SKP1: variants seen among roughly 807,000 people sequenced by gnomAD.
SKP1 encodes S-phase kinase-associated protein 1.
SKP1 carries 1 observed loss-of-function variant against 21.5 expected under a neutral mutation model. The observed-to-expected ratio is 0.05, with a 90% CI of 0.02 to 0.22. SKP1 has a LOEUF of 0.22. Among genes scored for constraint, SKP1 ranks in the 10% least tolerant of loss-of-function variants. The probability of loss-of-function intolerance (pLI) is 1.00; values close to 1 mark genes in which losing one functional copy is unlikely to be tolerated. For synonymous variants in SKP1, 59 were observed against 59.3 expected (o/e 0.99, Z 0.03); for missense variants, 70 against 192.0 (o/e 0.36, Z 3.76).
chr5:134,151,525 G>C lies in SKP1; in HGVS notation c.*6208C>G, dbSNP rs945437067. On this transcript the variant is annotated 3_prime_UTR_variant, in exon 6 of 6. Transcript: ENST00000353411. The stretch of plus-strand genomic sequence containing the variant: ...AAGAATTTTCACCAGATAGGTGGGA[G>C]GTATTCAAAGTGAGAGCACTTTAAG... 1 of 332,982 alleles carries C rather than the reference G, an allele frequency of 3.0e-6. No homozygotes were observed. The highest frequency in any genetic ancestry group is 6.2e-6 in the Non-Finnish European group (1 of 161,978). 20.6% of individuals were successfully genotyped at this position (332,982 alleles called of 1,614,324 possible).
intron 5 of SKP1, chr5:134,158,106 T>A (rs1761151750): frequency 1.4e-6 from 2 of 1,408,072 alleles, no homozygotes; most frequent in South Asian, 1.3e-5. Flanking sequence ...CCTCATTAAG[T>A]TGCTCTAAAG....
At chr5:134,172,978 A>G (rs555283226) in intron 2 of SKP1, among the ~76,000 whole-genome samples, 292 of 148,174 alleles carry the variant, frequency 2.0e-3, no homozygotes, top group Non-Finnish European at 2.7e-3. Flanking sequence ...TGCCACTTGC[A>G]CACCAGCCTG....
At chr5:134,160,219 T>C (rs1451658882) in intron 4 of SKP1, among the ~76,000 whole-genome samples, 1 of 151,754 alleles carries the variant, frequency 6.6e-6, no homozygotes, top group Non-Finnish European at 1.5e-5. Context: ...TAGCTGAGCA[T>C]GGTGGCTCAT....
chr5:134,172,864 T>C (rs1761469770), intron 2 of SKP1, among the ~76,000 whole-genome samples: 2 of 151,020 alleles, frequency 1.3e-5, no homozygotes, highest in African/African-American at 4.9e-5. Flanking sequence ...ATACAAAAAT[T>C]AGCCAGGCAT....
intron 1 of SKP1, 41 bp from the exon 2 acceptor site, chr5:134,174,063 A>T (rs771408794): frequency 1.6e-6 from 2 of 1,218,092 alleles, no homozygotes; most frequent in East Asian, 4.7e-5. Flanking sequence ...TAAGAGAGAG[A>T]GTTCTACATG....
chr5:134,162,688 A>T (rs1430845497), intron 3 of SKP1, among the ~76,000 whole-genome samples: 1 of 152,218 alleles, frequency 6.6e-6, no homozygotes, highest in Non-Finnish European at 1.5e-5. Flanking sequence ...CACCCAGCTA[A>T]GGGTTTTTAA....
Position 134,151,861 on chromosome 5 carries a change from G to C in SKP1, c.*5872C>G. 1 of 326,800 alleles carries C rather than the reference G, an allele frequency of 3.1e-6. No homozygotes were observed. The allele number at this position is 326,800 out of a possible 1,614,324, so 20.2% of individuals were successfully genotyped here. On this transcript the variant is annotated 3_prime_UTR_variant, in exon 6 of 6. Transcript: ENST00000353411. ...TATCACTCAAACTATGTCCCGCATT[G>C]GAAGTGTGTCAAGCAAGAGCACCTT...
At position 134,167,155 on chromosome 5, in the gene SKP1, C is replaced by T. The variant is rs1406838423; in HGVS notation, c.171+15G>A. ...ATATTAAGCAGAATAAACTTAAACT[C>T]TTTAAAGACCTTACCTTTTTTAATA... On this transcript the variant is annotated intron_variant, in intron 3 of 5. Transcript: ENST00000353411. 3.4e-6 allele frequency: 5 copies of T among 1,460,976 alleles called. No individual in the cohort carries two copies. In the Admixed American group the frequency reaches 6.7e-5, roughly 20 times the overall value. The allele number at this position is 1,460,976 out of a possible 1,614,324, so 90.5% of individuals were successfully genotyped here. A position where few individuals can be genotyped will look rare whatever the true frequency, so the allele number is the denominator to read the frequency against.
Position 134,158,443 on chromosome 5 carries a change from T to C in SKP1, c.456+12A>G, listed in dbSNP as rs781419877. 6 of 1,613,934 alleles carry C rather than the reference T, an allele frequency of 3.7e-6. No homozygotes were observed. The highest frequency in any genetic ancestry group is 2.7e-5 in the African/African-American group (2 of 74,922). Reference sequence around the variant, plus strand: ...GAGCATGTGATCAAAGACAAAACTGTGTGCTACCTACCTGGGCTTCCTCCT... The same window carrying C: ...GAGCATGTGATCAAAGACAAAACTGCGTGCTACCTACCTGGGCTTCCTCCT... On this transcript the variant is annotated intron_variant, in intron 5 of 5. Coordinates refer to ENST00000353411, the MANE Select transcript of SKP1 (RefSeq NM_170679.3).
Position 134,152,055 on chromosome 5 carries a change from T to A in SKP1, c.*5678A>T, listed in dbSNP as rs1318122517. The A allele has an allele frequency of 6.2e-6, 1 of 162,046 alleles. No individual in the cohort carries two copies. The highest frequency in any genetic ancestry group is 1.4e-5 in the Non-Finnish European group (1 of 73,630). The allele number at this position is 162,046 out of a possible 1,614,324, so 10.0% of individuals were successfully genotyped here. ...CTTCATCTTGATATGCACAGCCAGT[T>A]CTCTTACTCATTCTCTGTGACCACT... On this transcript the variant is annotated 3_prime_UTR_variant, in exon 6 of 6. Coordinates refer to ENST00000353411, the MANE Select transcript of SKP1 (RefSeq NM_170679.3).
In SKP1 at chr5:134,167,319, CA is replaced by C. The variant is rs751649616; in HGVS notation, c.98-77del. The C allele has an allele frequency of 1.1e-3, 1,012 of 923,522 alleles. 4 individuals carry two copies. Among genetic ancestry groups the C allele is most frequent in the Non-Finnish European group, 1.6e-3 (898 of 564,438 alleles). The allele number at this position is 923,522 out of a possible 1,614,324, so 57.2% of individuals were successfully genotyped here. A position where few individuals can be genotyped will look rare whatever the true frequency, so the allele number is the denominator to read the frequency against. On this transcript the variant is annotated intron_variant, in intron 2 of 5. Coordinates refer to ENST00000353411, the MANE Select transcript of SKP1 (RefSeq NM_170679.3). Reference sequence around the variant, plus strand: ...ATACCAACCAGGCTATGTCTCAAAACATAAGAGTCAGCCCCCATATCCATGA... The same window carrying C: ...ATACCAACCAGGCTATGTCTCAAAACTAAGAGTCAGCCCCCATATCCATGA...
chr5:134,163,924 T>C lies in SKP1; in HGVS notation c.172-2794A>G, dbSNP rs144977218. On this transcript the variant is annotated intron_variant, in intron 3 of 5. Coordinates refer to ENST00000353411, the MANE Select transcript of SKP1 (RefSeq NM_170679.3). Reference sequence around the variant, plus strand: ...CTTGCTCTAGCTTCCACTAAACTCCTTGCCTTTCCTAAAAAGGCAGGGCAT... The same window carrying C: ...CTTGCTCTAGCTTCCACTAAACTCCCTGCCTTTCCTAAAAAGGCAGGGCAT... 4.5e-3 allele frequency among the ~76,000 whole-genome samples: 687 copies of C among 152,304 alleles called. 7 individuals carry two copies. The highest frequency in any genetic ancestry group is 0.016 in the African/African-American group (658 of 41,574).
Position 134,154,447 on chromosome 5 carries a change from CAAAAAAAAAAAA to C in SKP1, c.*3274_*3285del, listed in dbSNP as rs56936628. On this transcript the variant is annotated 3_prime_UTR_variant, in exon 6 of 6. Transcript: ENST00000353411. ...TGGGCGACAGAGTGAGACTCTGTCT[CAAAAAAAAAAAA>C]AAAAAAAAAAAAATTATTAGAATTT... 12 of 51,650 alleles carry C rather than the reference CAAAAAAAAAAAA, an allele frequency of 2.3e-4. No homozygotes were observed. The highest frequency in any genetic ancestry group is 1.7e-3 in the South Asian group (2 of 1,146). The allele number at this position is 51,650 out of a possible 1,614,324, so 3.2% of individuals were successfully genotyped here.
chr5:134,170,074 C>A (rs563046597), intron 2 of SKP1, among the ~76,000 whole-genome samples: 1 of 151,034 alleles, frequency 6.6e-6, no homozygotes, highest in East Asian at 1.9e-4. Context: ...GAGGCTGAGG[C>A]AGGGGAATTG....
Position 134,174,042 on chromosome 5 carries a change from A to C in SKP1, c.1-20T>G. On this transcript the variant is annotated intron_variant, in intron 1 of 5. Transcript: ENST00000353411. Reference sequence around the variant, plus strand: ...AGGCATCTAAAAAAAAAGGACATTAAATATAAAATTTAAGAGAGAGAGTTC... The same window carrying C: ...AGGCATCTAAAAAAAAAGGACATTACATATAAAATTTAAGAGAGAGAGTTC... The C allele has an allele frequency of 6.9e-7, 1 of 1,440,556 alleles. No individual in the cohort carries two copies. Among genetic ancestry groups the C allele is most frequent in the Non-Finnish European group, 9.8e-7 (1 of 1,021,658 alleles). The allele number at this position is 1,440,556 out of a possible 1,614,324, so 89.2% of individuals were successfully genotyped here. A position where few individuals can be genotyped will look rare whatever the true frequency, so the allele number is the denominator to read the frequency against.
At chr5:134,167,147 C>T (rs1561721306) in intron 3 of SKP1, 23 bp downstream of exon 3, 1 of 1,355,852 alleles carries the variant, frequency 7.4e-7, no homozygotes, top group Admixed American at 1.7e-5. Flanking sequence ...GCAGAATAAA[C>T]TTAAACTCTT....
rs1580922558 is a variant in SKP1 at position 134,154,385 on chromosome 5, T to A, written c.*3348A>T. 1 of 141,678 alleles carries A rather than the reference T, an allele frequency of 7.1e-6. No individual in the cohort carries two copies. Among genetic ancestry groups the A allele is most frequent in the African/African-American group, 2.7e-5 (1 of 37,346 alleles). The allele number at this position is 141,678 out of a possible 1,614,324, so 8.8% of individuals were successfully genotyped here. The stretch of plus-strand genomic sequence containing the variant: ...ATCACTTGAACCCAGGAGGCGGAGG[T>A]TGCAGTGAGCTGAGATCGCACCACT... On this transcript the variant is annotated 3_prime_UTR_variant, in exon 6 of 6. Coordinates refer to ENST00000353411, the MANE Select transcript of SKP1 (RefSeq NM_170679.3).
At position 134,152,240 on chromosome 5, in the gene SKP1, C is replaced by T. The variant is rs1455833936; in HGVS notation, c.*5493G>A. The T allele has an allele frequency of 2.6e-5, 4 of 152,030 alleles. No homozygotes were observed. Among genetic ancestry groups the T allele is most frequent in the Non-Finnish European group, 5.9e-5 (4 of 68,076 alleles). 9.4% of individuals were successfully genotyped at this position (152,030 alleles called of 1,614,324 possible). A position where few individuals can be genotyped will look rare whatever the true frequency, so the allele number is the denominator to read the frequency against. ...TAGAATTTAGCTCACTCAAAAATTG[C>T]CCTGCCTAATGTGGGTCTGATGAAT... On this transcript the variant is annotated 3_prime_UTR_variant, in exon 6 of 6. Coordinates refer to ENST00000353411, the MANE Select transcript of SKP1 (RefSeq NM_170679.3).
rs74969114 is a variant in SKP1, at chr5:134,163,231, T to A, written c.172-2101A>T. The stretch of plus-strand genomic sequence containing the variant: ...TTCTGTCAAAAAAAAAAAAAAAAAA[T>A]CACTATCACTACTAACAAAAAATAA... On this transcript the variant is annotated intron_variant, in intron 3 of 5. Transcript: ENST00000353411. Among the ~76,000 whole-genome samples the A allele has an allele frequency of 3.2e-3, 78 of 24,522 alleles. 2 individuals carry two copies. The highest frequency in any genetic ancestry group is 4.2e-3 in the African/African-American group (29 of 6,896). 16.1% of individuals were successfully genotyped at this position (24,522 alleles called of 152,430 possible).
Sources: gnomAD v4.1 joint callset for allele counts (sites outside exome capture counted in the v4.1 genomes callset) on GRCh38, gnomAD v4.1.1 for gene constraint, MANE v1.5 for transcripts, NCBI Gene and HGNC (gene_info 2026-07-23, HGNC 2026-07-21) for gene names.